TMEM117: variants seen among roughly 807,000 people sequenced by gnomAD.
The protein encoded by TMEM117 is transmembrane protein 117.
A neutral mutation model predicts 52.4 loss-of-function variants in TMEM117; 27 were observed. That is an observed-to-expected ratio of 0.51 (90% confidence interval 0.38 to 0.71). TMEM117 has a LOEUF of 0.71. Among genes scored for constraint, TMEM117 ranks in the 30% least tolerant of loss-of-function variants. The probability of loss-of-function intolerance (pLI) is 0.00; values close to 1 mark genes in which losing one functional copy is unlikely to be tolerated. For synonymous variants in TMEM117, 215 were observed against 206.3 expected (o/e 1.04, Z -0.36); for missense variants, 556 against 630.5 (o/e 0.88, Z 1.26).
At chr12:44,380,294 T>C (rs1952002563) in intron 7 of TMEM117, among the ~76,000 whole-genome samples, 1 of 152,142 alleles carries the variant, frequency 6.6e-6, no homozygotes, top group African/African-American at 2.4e-5. Context: ...GGAAAGGTGC[T>C]GGTCTGAGTG....
At chr12:44,364,092 A>T (rs935447086) in intron 6 of TMEM117, among the ~76,000 whole-genome samples, 5 of 152,174 alleles carry the variant, frequency 3.3e-5, no homozygotes, top group African/African-American at 7.2e-5. Context: ...AACATTGCAG[A>T]TATCCATAAA....
chr12:44,197,687 TGGAAA>T (rs1202553719), intron 4 of TMEM117, among the ~76,000 whole-genome samples: 1 of 152,200 alleles, frequency 6.6e-6, no homozygotes, highest in Non-Finnish European at 1.5e-5. Flanking sequence ...AGAACTTGCC[TGGAAA>T]GGTACTTTTT....
intron 3 of TMEM117, among the ~76,000 whole-genome samples, chr12:44,071,647 T>C (rs1947304457): frequency 2.0e-5 from 3 of 152,178 alleles, no homozygotes; most frequent in Admixed American, 6.5e-5. Flanking sequence ...ATGTAGCTGC[T>C]AACAGCTTTC....
upstream of TMEM117, among the ~76,000 whole-genome samples, chr12:43,834,775 G>A (rs183971901): frequency 7.8e-3 from 1,179 of 152,110 alleles, 26 homozygotes; most frequent in East Asian, 0.042. Context: ...ATATATATGA[G>A]AGGCATATTT....
At chr12:43,863,950 A>G (rs1943535572) in intron 2 of TMEM117, among the ~76,000 whole-genome samples, 1 of 152,160 alleles carries the variant, frequency 6.6e-6, no homozygotes, top group Non-Finnish European at 1.5e-5. Flanking sequence ...CGGGCCAGCT[A>G]GAGTTCCGGG....
intron 3 of TMEM117, among the ~76,000 whole-genome samples, chr12:43,992,367 C>T (rs1181168519): frequency 6.6e-6 from 1 of 152,014 alleles, no homozygotes; most frequent in African/African-American, 2.4e-5. Context: ...TTCCCAGGCT[C>T]AAGTGATCTC....
intron 3 of TMEM117, among the ~76,000 whole-genome samples, chr12:43,972,737 T>C (rs1945611340): frequency 6.6e-6 from 1 of 152,102 alleles, no homozygotes; most frequent in African/African-American, 2.4e-5. Flanking sequence ...TACAGAGCGC[T>C]GATGGCTGTG....
At chr12:44,197,175 A>T (rs981599903) in intron 4 of TMEM117, among the ~76,000 whole-genome samples, 6 of 152,104 alleles carry the variant, frequency 3.9e-5, no homozygotes, top group African/African-American at 1.4e-4. Context: ...TTAAGATGAG[A>T]TTTATTTTCC....
chr12:44,192,564 A>G (rs1051912550), intron 4 of TMEM117, among the ~76,000 whole-genome samples: 2 of 152,224 alleles, frequency 1.3e-5, no homozygotes, highest in African/African-American at 4.8e-5. Context: ...TTTGAAAGTT[A>G]TTGTATATTT....
At chr12:44,160,652 A>G (rs1252314753) in intron 4 of TMEM117, among the ~76,000 whole-genome samples, 2 of 152,086 alleles carry the variant, frequency 1.3e-5, no homozygotes, top group Non-Finnish European at 2.9e-5. Flanking sequence ...AAAATTTAAA[A>G]TTAGCTGGGC....
At chr12:44,314,628 G>A (rs943864938) in intron 6 of TMEM117, among the ~76,000 whole-genome samples, 1 of 149,290 alleles carries the variant, frequency 6.7e-6, no homozygotes, top group South Asian at 2.1e-4. Flanking sequence ...GTGCAGTGGC[G>A]CAATTTCAGC....
intron 5 of TMEM117, among the ~76,000 whole-genome samples, chr12:44,246,486 G>C (rs954404755): frequency 2.6e-5 from 4 of 152,102 alleles, no homozygotes; most frequent in Non-Finnish European, 5.9e-5. Context: ...TTAATTTGCT[G>C]CACACTGTAT....
intron 6 of TMEM117, among the ~76,000 whole-genome samples, chr12:44,362,596 G>T (rs1285830101): frequency 2.0e-5 from 3 of 151,486 alleles, no homozygotes; most frequent in Non-Finnish European, 4.4e-5. Context: ...AAAAAGCAAA[G>T]GAAAGAGATT....
intron 5 of TMEM117, among the ~76,000 whole-genome samples, chr12:44,266,075 A>G (rs1950374117): frequency 1.3e-5 from 2 of 152,186 alleles, no homozygotes; most frequent in Admixed American, 6.5e-5. Flanking sequence ...TACTTTATCT[A>G]TGGATATATG....
At chr12:44,307,096 A>G (rs1297724927) in intron 6 of TMEM117, among the ~76,000 whole-genome samples, 1 of 152,066 alleles carries the variant, frequency 6.6e-6, no homozygotes, top group Non-Finnish European at 1.5e-5. Context: ...AGACATTGTG[A>G]CTCTTGGTAG....
At chr12:44,285,174 C>G (rs1007062199) in intron 5 of TMEM117, among the ~76,000 whole-genome samples, 1 of 152,152 alleles carries the variant, frequency 6.6e-6, no homozygotes, top group African/African-American at 2.4e-5. Context: ...TTTTCAGCCA[C>G]CTCTTTTATG....
At chr12:44,356,189 G>A (rs1951645762) in intron 6 of TMEM117, among the ~76,000 whole-genome samples, 1 of 152,014 alleles carries the variant, frequency 6.6e-6, no homozygotes, top group Non-Finnish European at 1.5e-5. Flanking sequence ...AGATGTCTTG[G>A]GGAAGATAGA....
chr12:43,878,780 TA>T (rs955183125), intron 2 of TMEM117, among the ~76,000 whole-genome samples: 1 of 152,160 alleles, frequency 6.6e-6, no homozygotes, highest in African/African-American at 2.4e-5. Flanking sequence ...AAAAGTGAAA[TA>T]AAAACTTTAT....
At chr12:44,087,739 A>G (rs979153995) in intron 3 of TMEM117, among the ~76,000 whole-genome samples, 1 of 152,166 alleles carries the variant, frequency 6.6e-6, no homozygotes, top group Non-Finnish European at 1.5e-5. Context: ...TGCTGGGATT[A>G]CAGGCATGGA....
Sources: allele counts gnomAD v4.1 joint callset (sites outside exome capture counted in the v4.1 genomes callset), GRCh38; gene constraint gnomAD v4.1.1; transcripts MANE v1.5; gene names NCBI Gene and HGNC (gene_info 2026-07-23, HGNC 2026-07-21).